The following LUZP2 variants were observed in gnomAD, a reference collection of about 807,000 sequenced individuals.
LUZP2 encodes leucine zipper protein 2.
A neutral mutation model predicts 51.6 loss-of-function variants in LUZP2; 52 were observed. The observed-to-expected ratio is 1.01, with a 90% CI of 0.81 to 1.27. The LOEUF is 1.27. Among genes scored for constraint, LUZP2 ranks in the 50% most tolerant of loss-of-function variants. LUZP2 has a pLI of 0.00. For synonymous variants in LUZP2, 154 were observed against 137.3 expected (o/e 1.12, Z -0.85); for missense variants, 436 against 395.4 (o/e 1.10, Z -0.87).
intron 7 of LUZP2, among the ~76,000 whole-genome samples, chr11:24,959,235 C>A (rs9704101): frequency 7.3e-5 from 11 of 151,506 alleles, no homozygotes; most frequent in African/African-American, 2.4e-4. Context: ...CTTGGCGATG[C>A]GGGCTCTTTT....
At chr11:24,584,608 T>C (rs1337135445) in intron 1 of LUZP2, among the ~76,000 whole-genome samples, 1 of 152,144 alleles carries the variant, frequency 6.6e-6, no homozygotes, top group African/African-American at 2.4e-5. Context: ...TAAGATAAGT[T>C]ACTAAATGAA....
At chr11:24,638,649 G>T (rs1195737709) in intron 1 of LUZP2, among the ~76,000 whole-genome samples, 2 of 151,212 alleles carry the variant, frequency 1.3e-5, no homozygotes, top group African/African-American at 4.9e-5. Context: ...AAGAAATTAG[G>T]GCATATTGTG....
At chr11:25,025,611 T>A (rs185540651) in intron 9 of LUZP2, among the ~76,000 whole-genome samples, 1 of 152,250 alleles carries the variant, frequency 6.6e-6, no homozygotes, top group African/African-American at 2.4e-5. Context: ...TCACACCAGT[T>A]AGAATGGCGA....
At chr11:24,796,414 G>A (rs577380270) in intron 5 of LUZP2, among the ~76,000 whole-genome samples, 2 of 151,568 alleles carry the variant, frequency 1.3e-5, no homozygotes, top group African/African-American at 4.8e-5. Context: ...ACTTGTAATT[G>A]CCTTTTTCAA....
At chr11:24,723,951 A>G (rs1032383692) in intron 1 of LUZP2, among the ~76,000 whole-genome samples, 1 of 152,222 alleles carries the variant, frequency 6.6e-6, no homozygotes, top group African/African-American at 2.4e-5. Flanking sequence ...CATTTGATGT[A>G]TATGATTTAT....
rs958378899 is a variant in LUZP2 at position 24,974,789 on chromosome 11, C to T, written c.523-1802C>T. The stretch of plus-strand genomic sequence containing the variant: ...ACAATATAGATAAACTTAGCACTTT[C>T]GAGGTAAAAATAAGGCCAGTATATC... On this transcript the variant is annotated intron_variant, in intron 7 of 11. Transcript: ENST00000336930. 3.9e-4 allele frequency among the ~76,000 whole-genome samples: 9 copies of T among 23,180 alleles called. No individual in the cohort carries two copies. In the Non-Finnish European group the frequency reaches 0.023, roughly 59 times the overall value. The allele number at this position is 23,180 out of a possible 152,430, so 15.2% of individuals were successfully genotyped here.
chr11:25,056,243 A>G lies in LUZP2; in HGVS notation c.858+6113A>G, dbSNP rs1417090821. Among the ~76,000 whole-genome samples the G allele has an allele frequency of 5.9e-5, 9 of 152,174 alleles. 1 individual carries two copies. Among genetic ancestry groups the G allele is most frequent in the Non-Finnish European group, 1.3e-4 (9 of 68,026 alleles). On this transcript the variant is annotated intron_variant, in intron 10 of 11. Transcript: ENST00000336930. ...TAAAAATGAACTCTTAATGAAAAGT[A>G]TCTGAAACTAGAATTAGCAGTTGGC... is the stretch of plus-strand genomic sequence containing the variant.
intron 5 of LUZP2, among the ~76,000 whole-genome samples, chr11:24,894,539 G>T (rs1283473274): frequency 2.0e-5 from 3 of 151,268 alleles, no homozygotes; most frequent in Non-Finnish European, 4.4e-5. Flanking sequence ...TGGGTATATT[G>T]TGTGATGCTG....
chr11:24,664,158 A>ACTT (rs58474718), intron 1 of LUZP2, among the ~76,000 whole-genome samples: 5,541 of 152,092 alleles, frequency 0.036, 334 homozygotes, highest in African/African-American at 0.12. Flanking sequence ...AAAGTTTGGA[A>ACTT]CTTCCTAGAG....
intron 1 of LUZP2, among the ~76,000 whole-genome samples, chr11:24,668,671 A>G (rs1856296941): frequency 6.6e-6 from 1 of 152,140 alleles, no homozygotes; most frequent in South Asian, 2.1e-4. Context: ...AAACAAAGGA[A>G]CATGCTTTTT....
At chr11:24,750,325 G>A (rs1489477533) in intron 4 of LUZP2, among the ~76,000 whole-genome samples, 2 of 152,140 alleles carry the variant, frequency 1.3e-5, no homozygotes, top group Non-Finnish European at 2.9e-5. Context: ...ATATGGTGCA[G>A]TAACACAGGC....
intron 1 of LUZP2, among the ~76,000 whole-genome samples, chr11:24,540,592 T>C (rs780407854): frequency 7.2e-5 from 11 of 152,132 alleles, no homozygotes; most frequent in Non-Finnish European, 4.4e-5. Context: ...AAATTTCTGT[T>C]GTTTGAACCA....
chr11:24,545,563 T>TTA lies in LUZP2; in HGVS notation c.62+48259_62+48260insAT, dbSNP rs975550722. 2.3e-4 allele frequency among the ~76,000 whole-genome samples: 35 copies of TTA among 149,538 alleles called. 1 individual carries two copies. Among genetic ancestry groups the TTA allele is most frequent in the African/African-American group, 8.0e-4 (33 of 41,064 alleles). On this transcript the variant is annotated intron_variant, in intron 1 of 11. Transcript: ENST00000336930. ...CCTTTCATTGTTGCTTGCTTTTTTT[T>TTA]TTTTTTTTTGACAGCTTTGTAAAAG...
chr11:24,773,578 C>T (rs960356552), intron 5 of LUZP2, among the ~76,000 whole-genome samples: 1 of 150,184 alleles, frequency 6.7e-6, no homozygotes, highest in Non-Finnish European at 1.5e-5. Flanking sequence ...CCATCAGCAG[C>T]CGGTGTTGGG....
chr11:24,745,129 A>G (rs1444121624), intron 4 of LUZP2, among the ~76,000 whole-genome samples: 3 of 152,178 alleles, frequency 2.0e-5, no homozygotes, highest in African/African-American at 7.2e-5. Context: ...ATGGCCTGTC[A>G]TATGGTCTAT....
At chr11:24,963,817 G>T (rs1184004689) in intron 7 of LUZP2, among the ~76,000 whole-genome samples, 3 of 152,104 alleles carry the variant, frequency 2.0e-5, no homozygotes, top group East Asian at 1.9e-4. Flanking sequence ...GATGAACCCG[G>T]TACCTCAGAT....
chr11:24,957,260 T>C (rs572640411), intron 7 of LUZP2, among the ~76,000 whole-genome samples: 14 of 152,290 alleles, frequency 9.2e-5, no homozygotes, highest in Non-Finnish European at 1.5e-4. Context: ...CTTGTATATA[T>C]GTATGAGATA....
chr11:24,977,936 A>C (rs1417801938), intron 8 of LUZP2, among the ~76,000 whole-genome samples: 1 of 151,012 alleles, frequency 6.6e-6, no homozygotes, highest in African/African-American at 2.4e-5. Flanking sequence ...AGGGCTTTCT[A>C]TTTTTGTGGT....
chr11:24,737,606 A>C (rs1040178325), intron 3 of LUZP2, among the ~76,000 whole-genome samples: 1 of 152,124 alleles, frequency 6.6e-6, no homozygotes, highest in Non-Finnish European at 1.5e-5. Context: ...TCTTTTTAAA[A>C]AGGGAGACAG....
Sources: allele counts gnomAD v4.1 joint callset (sites outside exome capture counted in the v4.1 genomes callset), GRCh38; gene constraint gnomAD v4.1.1; transcripts MANE v1.5; gene names NCBI Gene and HGNC (gene_info 2026-07-23, HGNC 2026-07-21).